Variants in CGNL1 observed in about 807,000 individuals in gnomAD.
The protein encoded by CGNL1 is cingulin-like protein 1.
CGNL1 carries 132 observed loss-of-function variants against 141.2 expected under a neutral mutation model. The observed-to-expected ratio is 0.93, with a 90% CI of 0.81 to 1.08. The LOEUF is 1.08. Among genes scored for constraint, CGNL1 ranks in the 50% least tolerant of loss-of-function variants. CGNL1 has a pLI of 0.00. For missense variants in CGNL1, 1,870 were observed against 1,588.6 expected (o/e 1.18, Z -3.01); for synonymous variants, 690 against 622.1 (o/e 1.11, Z -1.63).
At chr15:57,440,006 A>C (rs148857033) in intron 2 of CGNL1, among the ~76,000 whole-genome samples, 46 of 152,264 alleles carry the variant, frequency 3.0e-4, no homozygotes, top group African/African-American at 1.0e-3. Context: ...TAGCCTGAAA[A>C]ATTAGGTTAA....
chr15:57,547,475 C>T lies in CGNL1; in HGVS notation c.3894C>T (p.Val1298=), dbSNP rs935019295. ...ACACATTCTCCAAGGACAGCACCGT[C>T]GCCAGCCAGATCTGAGTGCTCTCCC... ...VSYTFSKDST[V]ASQI is the part of the protein sequence containing the mutation. The change falls in exon 19 of 19, where the codon GTC becomes GTT. Residue 1298 remains valine, a synonymous_variant. Coordinates refer to ENST00000281282, the MANE Select transcript of CGNL1 (RefSeq NM_032866.5). 2.2e-5 allele frequency: 35 copies of T among 1,614,058 alleles called. No homozygotes were observed. Among genetic ancestry groups the T allele is most frequent in the East Asian group, 4.5e-5 (2 of 44,884 alleles).
chr15:57,414,112 T>C (rs2062823012), intron 1 of CGNL1, among the ~76,000 whole-genome samples: 1 of 152,200 alleles, frequency 6.6e-6, no homozygotes, highest in Non-Finnish European at 1.5e-5. Flanking sequence ...ACCAGACTCT[T>C]GGTGATCAGC....
At position 57,452,290 on chromosome 15, in the gene CGNL1, G is replaced by GT; in HGVS notation, c.2054+2dup. The GT allele has an allele frequency of 6.2e-7, 1 of 1,613,106 alleles. No individual in the cohort carries two copies. Among genetic ancestry groups the GT allele is most frequent in the Non-Finnish European group, 8.5e-7 (1 of 1,179,490 alleles). ...GGGAGCTCCGGAAGAATCTGGAGGA[G>GT]TAAGTTCTGGGCTGAGAGCCTGTTG... On this transcript the variant is annotated splice_donor_variant, in intron 6 of 18. Coordinates refer to ENST00000281282, the MANE Select transcript of CGNL1 (RefSeq NM_032866.5). LOFTEE classifies it high-confidence loss of function.
Position 57,452,259 on chromosome 15 carries a change from G to GT in CGNL1, c.2025dup (p.Glu676Ter). The GT allele has an allele frequency of 1.2e-6, 2 of 1,613,906 alleles. No homozygotes were observed. Among genetic ancestry groups the GT allele is most frequent in the Non-Finnish European group, 1.7e-6 (2 of 1,179,888 alleles). ...ACATTGCAGCAACGACTGGAAGAAA[G>GT]TGAAGGGGAGCTCCGGAAGAATCTG... On this transcript the variant is annotated frameshift_variant, in exon 6 of 19. Transcript: ENST00000281282. LOFTEE classifies it high-confidence loss of function.
chr15:57,414,722 C>T (rs566343883), intron 1 of CGNL1, among the ~76,000 whole-genome samples: 3 of 152,312 alleles, frequency 2.0e-5, no homozygotes, highest in African/African-American at 7.2e-5. Context: ...TTTGCTTTCA[C>T]GTCTCATCCA....
chr15:57,466,061 G>C (rs2063507675), intron 8 of CGNL1, among the ~76,000 whole-genome samples: 1 of 152,206 alleles, frequency 6.6e-6, no homozygotes, highest in East Asian at 1.9e-4. Context: ...CTCACTGGCA[G>C]AGCGGTGGAG....
intron 5 of CGNL1, 31 bp downstream of exon 5, chr15:57,451,632 C>T: frequency 2.0e-6 from 3 of 1,485,652 alleles, no homozygotes; most frequent in South Asian, 2.4e-5. Flanking sequence ...GTTATTTTTT[C>T]CATTTCTGTC....
At chr15:57,427,376 C>G (rs2062987357) in intron 1 of CGNL1, among the ~76,000 whole-genome samples, 1 of 152,106 alleles carries the variant, frequency 6.6e-6, no homozygotes, top group African/African-American at 2.4e-5. Context: ...ATACAGGTGC[C>G]TATCATTTAT....
chr15:57,382,183 A>T (rs1370713621), intron 1 of CGNL1, among the ~76,000 whole-genome samples: 4 of 152,234 alleles, frequency 2.6e-5, no homozygotes, highest in African/African-American at 9.6e-5. Flanking sequence ...TCTTAAAATT[A>T]CAGGTAGTAA....
chr15:57,473,649 CTT>C (rs1231156380), intron 8 of CGNL1, among the ~76,000 whole-genome samples: 10 of 152,122 alleles, frequency 6.6e-5, no homozygotes, highest in African/African-American at 2.4e-4. Context: ...TCATGGATCT[CTT>C]GCTGTGGAGG....
At chr15:57,484,703 G>A (rs1353021222) in intron 8 of CGNL1, among the ~76,000 whole-genome samples, 1 of 152,014 alleles carries the variant, frequency 6.6e-6, no homozygotes. Context: ...CTTCTAATGA[G>A]CTTCCTCCCC....
intron 8 of CGNL1, among the ~76,000 whole-genome samples, chr15:57,501,939 G>A (rs1422314368): frequency 1.3e-5 from 2 of 152,184 alleles, no homozygotes; most frequent in African/African-American, 2.4e-5. Flanking sequence ...TCCTTTGGTT[G>A]GTAGTCTTTA....
intron 3 of CGNL1, among the ~76,000 whole-genome samples, 191 bp from the exon 4 acceptor site, chr15:57,442,182 G>GAAAACAAAAA (rs2063196550): frequency 1.0e-5 from 1 of 96,528 alleles, no homozygotes; most frequent in Non-Finnish European, 2.0e-5. Flanking sequence ...TCATTTATTT[G>GAAAACAAAAA]AAAAAAAAAA....
At chr15:57,501,123 G>A (rs553851300) in intron 8 of CGNL1, among the ~76,000 whole-genome samples, 9 of 152,296 alleles carry the variant, frequency 5.9e-5, no homozygotes, top group Admixed American at 6.5e-5. Context: ...ATTGTGCTAT[G>A]TACCAGGTGC....
chr15:57,383,623 TTTCTTTTC>T (rs1196047187), intron 1 of CGNL1, among the ~76,000 whole-genome samples: 5 of 67,534 alleles, frequency 7.4e-5, no homozygotes, highest in South Asian at 5.7e-4. Flanking sequence ...TTTCTTTTCT[TTTCTTTTC>T]TTTTTTTTTT....
intron 8 of CGNL1, among the ~76,000 whole-genome samples, chr15:57,466,098 A>G (rs951765775): frequency 3.3e-5 from 5 of 152,226 alleles, no homozygotes; most frequent in African/African-American, 1.2e-4. Context: ...GCACTATTTA[A>G]GTTCTCTTCT....
chr15:57,437,013 T>C (rs1415985218), intron 1 of CGNL1, among the ~76,000 whole-genome samples: 1 of 152,110 alleles, frequency 6.6e-6, no homozygotes, highest in African/African-American at 2.4e-5. Context: ...ACAACTGTTA[T>C]TTGTGACCAG....
At position 57,439,354 on chromosome 15, in the gene CGNL1, A is replaced by G; in HGVS notation, c.1355A>G (p.His452Arg). The G allele has an allele frequency of 6.2e-7, 1 of 1,614,146 alleles. No individual in the cohort carries two copies. Among genetic ancestry groups the G allele is most frequent in the Non-Finnish European group, 8.5e-7 (1 of 1,180,030 alleles). The change falls in exon 2 of 19, where the codon CAC becomes CGC. Residue 452 changes from histidine (H) to arginine (R), a missense_variant. His to Arg is a conservative substitution (Grantham distance 29). Transcript: ENST00000281282. Reference protein sequence around the residue: ...RTFAKLQGAAHGASCAHSRPP... With the variant: ...RTFAKLQGAARGASCAHSRPP... Reference sequence around the variant, plus strand: ...TTTGCAAAGCTGCAGGGAGCAGCGCACGGGGCTTCATGTGCCCACTCCAGG... The same window carrying G: ...TTTGCAAAGCTGCAGGGAGCAGCGCGCGGGGCTTCATGTGCCCACTCCAGG...
intron 11 of CGNL1, 24 bp downstream of exon 11, chr15:57,523,665 G>T (rs753486948): frequency 6.2e-7 from 1 of 1,612,708 alleles, no homozygotes; most frequent in Non-Finnish European, 8.5e-7. Flanking sequence ...GGAGGAAAGA[G>T]GAAGTAGGGC....
Sources: allele counts gnomAD v4.1 joint callset (sites outside exome capture counted in the v4.1 genomes callset), GRCh38; gene constraint gnomAD v4.1.1; transcripts MANE v1.5; gene names NCBI Gene and HGNC (gene_info 2026-07-23, HGNC 2026-07-21).